Variants in EPG5 observed in about 807,000 individuals in gnomAD.
The protein encoded by EPG5 is ectopic P-granules 5 autophagy tethering factor, also known as ectopic P granules protein 5 homolog.
EPG5 carries 159 observed loss-of-function variants against 302.7 expected under a neutral mutation model. The observed-to-expected ratio is 0.53, with a 90% CI of 0.46 to 0.60. The LOEUF is 0.60. EPG5 is among the 20% of genes least tolerant of loss of function. The pLI, the probability that EPG5 is intolerant of heterozygous loss-of-function variation, is 0.00. For synonymous variants in EPG5, 1,158 were observed against 1,136.8 expected (o/e 1.02, Z -0.37); for missense variants, 2,896 against 3,092.4 (o/e 0.94, Z 1.51).
chr18:45,901,158 C>G lies in EPG5; in HGVS notation c.4484G>C (p.Arg1495Thr). Residue 1495 changes from arginine to threonine, a missense_variant, in exon 26 of 44, where the codon AGG becomes ACG. Physicochemically the swap from Arg to Thr is moderately conservative, Grantham distance 71 (BLOSUM62 -1). Around this residue, in one of 5 missense-constraint regions of EPG5, gnomAD observed 790 missense variants for 798.0 expected, o/e 0.99. Coordinates refer to ENST00000282041, the MANE Select transcript of EPG5 (RefSeq NM_020964.3). Reference protein sequence around the residue: ...DFTDPLLAKERVLSNLRKHEA... With the variant: ...DFTDPLLAKETVLSNLRKHEA... ...ATGCTTCCGCAAGTTACTTAAAACC[C>G]TTTCTTTAGCTGAAAGAAAATTAAG... is the stretch of plus-strand genomic sequence containing the variant. The G allele has an allele frequency of 1.2e-6, 2 of 1,613,944 alleles. No individual in the cohort carries two copies. The highest frequency in any genetic ancestry group is 1.7e-6 in the Non-Finnish European group (2 of 1,179,980).
In EPG5 at chr18:45,954,722, G is replaced by A; in HGVS notation, c.680C>T (p.Ala227Val). 2 of 1,614,074 alleles carry A rather than the reference G, an allele frequency of 1.2e-6. No homozygotes were observed. Among genetic ancestry groups the A allele is most frequent in the African/African-American group, 1.3e-5 (1 of 75,056 alleles). ...PQLPAEIAGE[A>V]PALVAVKPLL... is the part of the protein sequence containing the mutation. ...GGGTTTCACTGCCACCAAAGCTGGT[G>A]CTTCTCCAGCAATTTCAGCTGGCAA... Residue 227 changes from alanine to valine, a missense_variant, in exon 2 of 44, where the codon GCA becomes GTA. By Grantham distance (64) the Ala-to-Val change is moderately conservative (BLOSUM62 0). This residue lies in a region of EPG5 where 1,390 missense variants were observed against 1,430.0 expected (regional missense o/e 0.97). Transcript: ENST00000282041.
Position 45,910,663 on chromosome 18 carries a change from G to A in EPG5, c.4063C>T (p.Arg1355Cys). ...TGGAAGTCAGCCACCTCGGTCAAAC[G>A]TCTCTTCATTTCTTTCAACAAATTG... Reference protein sequence around the residue: ...HINLLKEMKRRLTEVADFHHA... With the variant: ...HINLLKEMKRCLTEVADFHHA... The change falls in exon 23 of 44, where the codon CGT becomes TGT. Residue 1355 changes from arginine to cysteine, a missense_variant. By Grantham distance (180) the Arg-to-Cys change is radical (BLOSUM62 -3). Coordinates refer to ENST00000282041, the MANE Select transcript of EPG5 (RefSeq NM_020964.3). 6.2e-7 allele frequency: 1 copy of A among 1,614,112 alleles called. No individual in the cohort carries two copies. The highest frequency in any genetic ancestry group is 8.5e-7 in the Non-Finnish European group (1 of 1,180,030).
At chr18:45,837,066 C>G in the EPG5 span, 6 of 1,596,000 alleles carry the variant, frequency 3.8e-6, no homozygotes, top group African/African-American at 8.0e-5. Flanking sequence ...CTACGGAGAA[C>G]TTGCTCAACA....
At chr18:45,813,312 T>C in the EPG5 span, among the ~76,000 whole-genome samples, 2 of 152,224 alleles carry the variant, frequency 1.3e-5, no homozygotes, top group African/African-American at 2.4e-5. Flanking sequence ...TTTTACACTG[T>C]TGGTGGGACT....
intron 1 of EPG5, among the ~76,000 whole-genome samples, chr18:45,965,655 A>G (rs16978503): frequency 1.9e-3 from 283 of 152,354 alleles, no homozygotes; most frequent in African/African-American, 6.4e-3. Context: ...CTGTACTTGT[A>G]ATACCATCCT....
the EPG5 span, chr18:45,839,198 G>T: frequency 2.0e-5 from 26 of 1,317,318 alleles, no homozygotes; most frequent in African/African-American, 3.3e-4. Context: ...CAGAATGTCG[G>T]TTTTTTTGCC....
chr18:45,958,453 T>A (rs910397103), intron 1 of EPG5, among the ~76,000 whole-genome samples: 2 of 145,560 alleles, frequency 1.4e-5, no homozygotes, highest in African/African-American at 5.5e-5. Context: ...ATAAAGACAG[T>A]ATAGTGTTGG....
At chr18:45,807,678 G>C in the EPG5 span, among the ~76,000 whole-genome samples, 6 of 152,110 alleles carry the variant, frequency 3.9e-5, no homozygotes, top group Non-Finnish European at 8.8e-5. Context: ...TAGGAAAAGG[G>C]AGAGAGTTCT....
At chr18:45,957,943 G>C (rs910695709) in intron 1 of EPG5, among the ~76,000 whole-genome samples, 14 of 152,146 alleles carry the variant, frequency 9.2e-5, no homozygotes, top group African/African-American at 2.7e-4. Flanking sequence ...ACTCCTCCAG[G>C]TTATACACCT....
At chr18:45,835,254 C>T in the EPG5 span, among the ~76,000 whole-genome samples, 3 of 152,096 alleles carry the variant, frequency 2.0e-5, no homozygotes, top group African/African-American at 4.8e-5. Context: ...ACCCCATGGC[C>T]GGCAAGATCC....
intron 36 of EPG5, chr18:45,868,073 C>G (rs1170994229): frequency 2.1e-6 from 1 of 474,588 alleles, no homozygotes; most frequent in East Asian, 6.4e-5. Context: ...GGGAGTGTAT[C>G]AGAATCCTCA....
intron 6 of EPG5, 46 bp downstream of exon 6, chr18:45,948,456 GA>G: frequency 6.9e-7 from 1 of 1,458,720 alleles, no homozygotes; most frequent in African/African-American, 1.4e-5. Flanking sequence ...TCCTTTAGAA[GA>G]AAGAAGCATT....
the EPG5 span, among the ~76,000 whole-genome samples, chr18:45,834,609 T>C: frequency 6.6e-6 from 1 of 152,200 alleles, no homozygotes; most frequent in Non-Finnish European, 1.5e-5. Context: ...TCTGGCAGAC[T>C]GTAGTGTAAT....
rs1357948458 is a variant in EPG5 at position 45,952,401 on chromosome 18, T to C, written c.1251A>G (p.Arg417=). ...LRSSAIHQQG[R]ASKQTESIPS... The stretch of plus-strand genomic sequence containing the variant: ...AAGAGAGCTTCATTACTTACATACC[T>C]CGGCCTTGCTGGTGAATTGCTGAAG... Residue 417 remains arginine (R), a splice_region_variant and synonymous_variant, in exon 3 of 44, where the codon CGA becomes CGG. Transcript: ENST00000282041. 1.2e-6 allele frequency: 2 copies of C among 1,613,914 alleles called. No individual in the cohort carries two copies. The highest frequency in any genetic ancestry group is 3.3e-5 in the Admixed American group (2 of 60,020).
At chr18:45,874,823 C>A (rs1027292958) in intron 35 of EPG5, among the ~76,000 whole-genome samples, 6 of 152,170 alleles carry the variant, frequency 3.9e-5, no homozygotes, top group Non-Finnish European at 8.8e-5. Context: ...TAGGTGTATT[C>A]AGTGGAAGAA....
intron 27 of EPG5, among the ~76,000 whole-genome samples, chr18:45,896,156 A>G (rs9957999): frequency 0.044 from 6,628 of 152,332 alleles, 420 homozygotes; most frequent in African/African-American, 0.14. Flanking sequence ...ACAGTACTAT[A>G]TAACTTTCAA....
At position 45,902,781 on chromosome 18, in the gene EPG5, T is replaced by C. The variant is rs2049650258; in HGVS notation, c.4474+1192A>G. 2.0e-5 allele frequency among the ~76,000 whole-genome samples: 3 copies of C among 152,176 alleles called. 1 individual carries two copies. In the South Asian group the frequency reaches 6.2e-4, roughly 32 times the overall value. ...TCACCAGACACAAGAGGTAGAATAA[T>C]GAGTGGTGAACAGCAGGTCTCTGGA... On this transcript the variant is annotated intron_variant, in intron 25 of 43. Coordinates refer to ENST00000282041, the MANE Select transcript of EPG5 (RefSeq NM_020964.3).
chr18:45,935,001 C>A, intron 10 of EPG5, 35 bp from the exon 11 acceptor site: 1 of 1,574,198 alleles, frequency 6.4e-7, no homozygotes, highest in South Asian at 1.2e-5. Flanking sequence ...ATTTATTAAT[C>A]AGCTTCATTA....
In EPG5 at chr18:45,926,962, G is replaced by A. The variant is rs140003184; in HGVS notation, c.2554-1060C>T. Among the ~76,000 whole-genome samples, 243 of 151,880 alleles carry A rather than the reference G, an allele frequency of 1.6e-3. 2 individuals carry two copies. The highest frequency in any genetic ancestry group is 5.5e-3 in the African/African-American group (227 of 41,442). On this transcript the variant is annotated intron_variant, in intron 13 of 43. Transcript: ENST00000282041. Reference sequence around the variant, plus strand: ...AAGGAGCAACAGAAAACTTCCTACTGTATTGAACTGTATATGAAAAGCTTT... The same window carrying A: ...AAGGAGCAACAGAAAACTTCCTACTATATTGAACTGTATATGAAAAGCTTT...
Sources: allele counts gnomAD v4.1 joint callset (sites outside exome capture counted in the v4.1 genomes callset), GRCh38; gene constraint gnomAD v4.1.1; regional missense constraint gnomAD v4.1.1; transcripts MANE v1.5; gene names NCBI Gene and HGNC (gene_info 2026-07-23, HGNC 2026-07-21).